TAFA1: variants seen among roughly 807,000 people sequenced by gnomAD.
TAFA1 encodes the protein chemokine-like protein TAFA-1.
TAFA1 carries 4 observed loss-of-function variants against 18.5 expected under a neutral mutation model. The ratio of observed to expected loss-of-function variants is 0.22; its 90% confidence interval spans 0.11 to 0.49. The LOEUF (loss-of-function observed/expected upper bound fraction) is 0.49. Ranked by LOEUF, TAFA1 falls within the 20% of genes least tolerant of loss-of-function variation. TAFA1 has a pLI of 0.98. For missense variants in TAFA1, 147 were observed against 169.0 expected (o/e 0.87, Z 0.72); for synonymous variants, 56 against 55.2 (o/e 1.01, Z -0.06).
intron 2 of TAFA1, among the ~76,000 whole-genome samples, chr3:68,120,166 TC>T (rs2065372388): frequency 3.0e-5 from 4 of 133,066 alleles, no homozygotes; most frequent in African/African-American, 1.6e-4. Context: ...TCTTTCTCTT[TC>T]TTTCTCTTTC....
At chr3:68,431,624 T>C (rs1376988955) in intron 3 of TAFA1, among the ~76,000 whole-genome samples, 2 of 151,964 alleles carry the variant, frequency 1.3e-5, no homozygotes, top group East Asian at 1.9e-4. Flanking sequence ...GATATTAAGA[T>C]TGCATTCATT....
At chr3:68,139,800 A>G (rs1428099427) in intron 2 of TAFA1, among the ~76,000 whole-genome samples, 4 of 152,200 alleles carry the variant, frequency 2.6e-5, no homozygotes, top group Non-Finnish European at 2.9e-5. Context: ...CTCCTGCTCT[A>G]TTTCAACCCA....
chr3:68,121,761 C>T (rs2065402391), intron 2 of TAFA1, among the ~76,000 whole-genome samples: 1 of 152,082 alleles, frequency 6.6e-6, no homozygotes, highest in Non-Finnish European at 1.5e-5. Flanking sequence ...CATACACTGC[C>T]ATTTATATCA....
intron 2 of TAFA1, among the ~76,000 whole-genome samples, chr3:68,398,700 C>T (rs1031546599): frequency 1.3e-5 from 2 of 152,158 alleles, no homozygotes; most frequent in African/African-American, 4.8e-5. Flanking sequence ...GATGTTATTT[C>T]ATTACGAACA....
At position 68,078,314 on chromosome 3, in the gene TAFA1, C is replaced by A. The variant is rs199613271; in HGVS notation, c.118+71570C>A. Among the ~76,000 whole-genome samples the A allele has an allele frequency of 2.6e-5, 4 of 151,650 alleles. No homozygotes were observed. The East Asian group carries it at 7.7e-4, about 29-fold the overall frequency. The stretch of plus-strand genomic sequence containing the variant: ...GAATACCCTTTATTTCCTTCTCCTG[C>A]CTGATTGCCCTGGCCAGAACTTCCA... On this transcript the variant is annotated intron_variant, in intron 2 of 4. Coordinates refer to ENST00000478136, the MANE Select transcript of TAFA1 (RefSeq NM_213609.4).
intron 2 of TAFA1, among the ~76,000 whole-genome samples, chr3:68,134,792 G>C (rs1363176452): frequency 6.6e-6 from 1 of 152,202 alleles, no homozygotes; most frequent in Non-Finnish European, 1.5e-5. Flanking sequence ...GGAGGTTACT[G>C]TCATTGGGAA....
chr3:68,016,883 A>G (rs1405076366), intron 2 of TAFA1, among the ~76,000 whole-genome samples: 2 of 152,168 alleles, frequency 1.3e-5, no homozygotes, highest in South Asian at 2.1e-4. Context: ...GGTCTTTCTT[A>G]TTGTATGAAA....
chr3:68,039,443 G>A (rs7431177), intron 2 of TAFA1, among the ~76,000 whole-genome samples: 108,688 of 151,914 alleles, frequency 0.72, 38,959 homozygotes, highest in East Asian at 0.8. Flanking sequence ...TTTTTAGGTC[G>A]TTTCTAGGCT....
intron 2 of TAFA1, among the ~76,000 whole-genome samples, chr3:68,282,087 G>A (rs890311443): frequency 6.6e-6 from 1 of 152,122 alleles, no homozygotes; most frequent in Non-Finnish European, 1.5e-5. Flanking sequence ...AGGGAGAAAG[G>A]CCCCTTATGA....
At chr3:68,009,051 C>A (rs112599864) in intron 2 of TAFA1, among the ~76,000 whole-genome samples, 16 of 152,132 alleles carry the variant, frequency 1.1e-4, no homozygotes, top group African/African-American at 3.4e-4. Context: ...AACCCACAAG[C>A]CAGGGATGTT....
intron 2 of TAFA1, among the ~76,000 whole-genome samples, chr3:68,175,824 CA>C (rs1195922593): frequency 6.6e-5 from 10 of 151,900 alleles, no homozygotes; most frequent in Non-Finnish European, 1.0e-4. Flanking sequence ...TGGGAGGGGC[CA>C]GGGGTGGAAT....
At chr3:68,287,299 C>T (rs1575748058) in intron 2 of TAFA1, among the ~76,000 whole-genome samples, 1 of 152,182 alleles carries the variant, frequency 6.6e-6, no homozygotes, top group Non-Finnish European at 1.5e-5. Flanking sequence ...GAACTGGCTG[C>T]TCTTTGCCCT....
chr3:68,373,567 C>A (rs1392505859), intron 2 of TAFA1, among the ~76,000 whole-genome samples: 1 of 152,172 alleles, frequency 6.6e-6, no homozygotes, highest in Non-Finnish European at 1.5e-5. Context: ...GTACCCCATG[C>A]CCTCTTTCTG....
intron 2 of TAFA1, among the ~76,000 whole-genome samples, chr3:68,084,177 G>C (rs1042446722): frequency 4.6e-5 from 7 of 152,154 alleles, no homozygotes; most frequent in African/African-American, 1.7e-4. Flanking sequence ...ACTATGAGCT[G>C]GGAAATTTCC....
chr3:68,068,707 T>C (rs2064714587), intron 2 of TAFA1, among the ~76,000 whole-genome samples: 1 of 152,224 alleles, frequency 6.6e-6, no homozygotes, highest in Admixed American at 6.5e-5. Flanking sequence ...GTTATGGTTC[T>C]AGTAGCGTGG....
intron 2 of TAFA1, among the ~76,000 whole-genome samples, chr3:68,108,381 A>G (rs2065226570): frequency 6.6e-6 from 1 of 152,062 alleles, no homozygotes; most frequent in African/African-American, 2.4e-5. Flanking sequence ...ACTTTTCTCT[A>G]TGAAATATTC....
chr3:68,363,642 A>G (rs2069514692), intron 2 of TAFA1, among the ~76,000 whole-genome samples: 3 of 152,194 alleles, frequency 2.0e-5, no homozygotes, highest in African/African-American at 7.2e-5. Context: ...GGAAGCATAA[A>G]TAAGAAAAAC....
At chr3:68,170,963 A>C (rs1043140211) in intron 2 of TAFA1, among the ~76,000 whole-genome samples, 1 of 152,158 alleles carries the variant, frequency 6.6e-6, no homozygotes. Flanking sequence ...CAGCCAAAAC[A>C]AGAACGAATA....
intron 4 of TAFA1, among the ~76,000 whole-genome samples, chr3:68,543,838 A>G (rs1189082882): frequency 1.3e-5 from 2 of 152,096 alleles, no homozygotes; most frequent in East Asian, 3.9e-4. Context: ...CAGAAATGTA[A>G]TCTTGATTGC....
Sources: gnomAD v4.1 joint callset for allele counts (sites outside exome capture counted in the v4.1 genomes callset) on GRCh38, gnomAD v4.1.1 for gene constraint, MANE v1.5 for transcripts, NCBI Gene and HGNC (gene_info 2026-07-23, HGNC 2026-07-21) for gene names.